ACVR1B: variants seen among roughly 807,000 people sequenced by gnomAD.
The protein encoded by ACVR1B is activin receptor type-1B.
ACVR1B carries 15 observed loss-of-function variants against 55.6 expected under a neutral mutation model. That is an observed-to-expected ratio of 0.27 (90% CI 0.18 to 0.42). The LOEUF (loss-of-function observed/expected upper bound fraction) is 0.42, where lower values mean the gene tolerates loss of function less well. ACVR1B is among the 10% of genes least tolerant of loss of function. The pLI is 1.00. For synonymous variants in ACVR1B, 247 were observed against 254.6 expected (o/e 0.97, Z 0.28); for missense variants, 359 against 670.1 (o/e 0.54, Z 5.13).
At chr12:51,984,878 A>G (rs1193929561) in intron 5 of ACVR1B, among the ~76,000 whole-genome samples, 4 of 152,248 alleles carry the variant, frequency 2.6e-5, no homozygotes, top group African/African-American at 9.6e-5. Context: ...GTACCTGAGC[A>G]TATTTGCTCA....
intron 1 of ACVR1B, among the ~76,000 whole-genome samples, chr12:51,974,205 C>T (rs562764569): frequency 2.0e-5 from 3 of 152,274 alleles, no homozygotes; most frequent in East Asian, 1.9e-4. Flanking sequence ...TCAGCACTTC[C>T]GAGCCCCAGC....
At position 51,958,987 on chromosome 12, in the gene ACVR1B, C is replaced by T. The variant is rs189918627; in HGVS notation, c.91+7153C>T. 6.4e-4 allele frequency among the ~76,000 whole-genome samples: 98 copies of T among 152,294 alleles called. 1 individual carries two copies. The highest frequency in any genetic ancestry group is 1.0e-4 in the Non-Finnish European group (7 of 68,022). ...CAGGTGTTAGGGATACAGTAGTAAA[C>T]GAAAGGAGACAAAATTGCCTTCTCT... On this transcript the variant is annotated intron_variant, in intron 1 of 8. Coordinates refer to ENST00000257963, the MANE Select transcript of ACVR1B (RefSeq NM_004302.5).
intron 3 of ACVR1B, among the ~76,000 whole-genome samples, chr12:51,976,821 G>C (rs1941868238): frequency 6.6e-6 from 1 of 152,160 alleles, no homozygotes; most frequent in South Asian, 2.1e-4. Flanking sequence ...CAGAAGTCCT[G>C]CCTCTCTAAG....
chr12:51,972,030 G>A (rs1941754762), intron 1 of ACVR1B, among the ~76,000 whole-genome samples: 1 of 152,172 alleles, frequency 6.6e-6, no homozygotes, highest in East Asian at 1.9e-4. Flanking sequence ...TTACTTGGGT[G>A]GTGGCTTTTT....
chr12:51,960,333 G>T (rs1055546985), intron 1 of ACVR1B: 2 of 152,100 alleles, frequency 1.3e-5, no homozygotes, highest in Non-Finnish European at 2.9e-5. Context: ...GAGGTGGGAG[G>T]ATAGCTTGAG....
chr12:51,985,976 T>G (rs1194066612), intron 6 of ACVR1B, among the ~76,000 whole-genome samples: 2 of 152,162 alleles, frequency 1.3e-5, no homozygotes, highest in African/African-American at 4.8e-5. Flanking sequence ...TTGTGGGGGC[T>G]GGGGTGGCTG....
chr12:51,970,681 G>T (rs559449695), intron 1 of ACVR1B, among the ~76,000 whole-genome samples: 4 of 152,222 alleles, frequency 2.6e-5, no homozygotes, highest in African/African-American at 7.2e-5. Flanking sequence ...ACTTGGGGCT[G>T]TTTGGTGAAT....
chr12:51,968,637 T>C (rs1941687903), intron 1 of ACVR1B, among the ~76,000 whole-genome samples: 1 of 152,212 alleles, frequency 6.6e-6, no homozygotes, highest in African/African-American at 2.4e-5. Context: ...TGCTTTCTGG[T>C]ATCTAAGGCT....
At chr12:51,989,991 GA>G (rs201008907) in intron 7 of ACVR1B, among the ~76,000 whole-genome samples, 4 of 145,994 alleles carry the variant, frequency 2.7e-5, no homozygotes, top group African/African-American at 5.1e-5. Context: ...CTCAAAAAAG[GA>G]AAAAAAAATG....
chr12:51,975,323 G>A lies in ACVR1B; in HGVS notation c.150G>A (p.Gly50=), dbSNP rs2120597706. 6.2e-7 allele frequency: 1 copy of A among 1,614,074 alleles called. No homozygotes were observed. Among genetic ancestry groups the A allele is most frequent in the Non-Finnish European group, 8.5e-7 (1 of 1,180,042 alleles). Residue 50 remains glycine (G), a synonymous_variant, in exon 2 of 9, where the codon GGG becomes GGA. Transcript: ENST00000257963. The part of the protein sequence containing the change: ...LQANYTCETD[G]ACMVSIFNLD... Reference sequence around the variant, plus strand: ...CCAACTACACGTGTGAGACAGATGGGGCCTGCATGGTTTCCATTTTCAATC... The same window carrying A: ...CCAACTACACGTGTGAGACAGATGGAGCCTGCATGGTTTCCATTTTCAATC...
At chr12:51,982,857 T>G in intron 4 of ACVR1B, 3 of 1,441,474 alleles carry the variant, frequency 2.1e-6, no homozygotes, top group Non-Finnish European at 2.7e-6. Flanking sequence ...AATTTAAATC[T>G]TATATGTTTT....
At chr12:51,952,386 CCCCT>C (rs1328175898) in intron 1 of ACVR1B, among the ~76,000 whole-genome samples, 1 of 152,154 alleles carries the variant, frequency 6.6e-6, no homozygotes, top group Non-Finnish European at 1.5e-5. Flanking sequence ...CGTGTTTCTT[CCCCT>C]CCCTCCACTG....
chr12:51,979,263 C>T (rs1490638048), intron 3 of ACVR1B, among the ~76,000 whole-genome samples: 4 of 148,886 alleles, frequency 2.7e-5, no homozygotes, highest in Non-Finnish European at 5.9e-5. Context: ...GTCAGGAGTT[C>T]GAGACCAGCC....
chr12:51,974,709 C>G (rs576270931), intron 1 of ACVR1B, among the ~76,000 whole-genome samples: 2 of 152,160 alleles, frequency 1.3e-5, no homozygotes, highest in African/African-American at 4.8e-5. Context: ...GGGCACCTGA[C>G]TTGGACTTCT....
At chr12:51,973,114 G>C (rs1363440953) in intron 1 of ACVR1B, among the ~76,000 whole-genome samples, 1 of 152,182 alleles carries the variant, frequency 6.6e-6, no homozygotes, top group East Asian at 1.9e-4. Context: ...TCTCCAGAAT[G>C]AATCACTGTG....
At chr12:51,976,659 A>G in intron 3 of ACVR1B, 84 bp downstream of exon 3, 1 of 1,539,668 alleles carries the variant, frequency 6.5e-7, no homozygotes, top group South Asian at 1.2e-5. Context: ...AGAAGGCTGG[A>G]GGCCCTGCAT....
intron 2 of ACVR1B, 122 bp downstream of exon 2, chr12:51,975,626 C>A: frequency 7.5e-7 from 1 of 1,326,432 alleles, no homozygotes. Flanking sequence ...TTGGATGTTC[C>A]CGAAGGTGAC....
Position 51,976,523 on chromosome 12 carries a change from C to A in ACVR1B, c.528C>A (p.Asp176Glu). ...CATGTGAGATGTGTCTCTCCAAAGA[C>A]AAGACGCTCCAGGATCTTGTCTACG... Reference protein sequence around the residue: ...DPSCEMCLSKDKTLQDLVYDL... With the variant: ...DPSCEMCLSKEKTLQDLVYDL... Residue 176 changes from aspartate to glutamate, a missense_variant, in exon 3 of 9, where the codon GAC (aspartate) becomes GAA (glutamate). Asp to Glu is a conservative substitution (Grantham distance 45). Coordinates refer to ENST00000257963, the MANE Select transcript of ACVR1B (RefSeq NM_004302.5). 1 of 1,614,082 alleles carries A rather than the reference C, an allele frequency of 6.2e-7. No homozygotes were observed. The highest frequency in any genetic ancestry group is 1.1e-5 in the South Asian group (1 of 91,082).
intron 6 of ACVR1B, among the ~76,000 whole-genome samples, chr12:51,986,259 T>A (rs2120710373): frequency 6.6e-6 from 1 of 152,282 alleles, no homozygotes; most frequent in East Asian, 1.9e-4. Flanking sequence ...AAATCTTTAC[T>A]CTCTCTTTGT....
Sources: allele counts gnomAD v4.1 joint callset (sites outside exome capture counted in the v4.1 genomes callset), GRCh38; gene constraint gnomAD v4.1.1; transcripts MANE v1.5; gene names NCBI Gene and HGNC (gene_info 2026-07-23, HGNC 2026-07-21).